The following CBFA2T3 variants were observed in gnomAD, a reference collection of about 807,000 sequenced individuals.
CBFA2T3 encodes the protein transcriptional corepressor CBFA2T3.
Under a neutral mutation model 58.6 loss-of-function variants are expected in CBFA2T3, and 31 were observed. The ratio of observed to expected loss-of-function variants is 0.53; its 90% CI spans 0.40 to 0.71. CBFA2T3 has a LOEUF of 0.71. Among genes scored for constraint, CBFA2T3 ranks in the 30% least tolerant of loss-of-function variants. The pLI, the probability that CBFA2T3 is intolerant of heterozygous loss-of-function variation, is 0.00. For missense variants in CBFA2T3, 1,076 were observed against 963.1 expected (o/e 1.12, Z -1.55); for synonymous variants, 531 against 421.9 (o/e 1.26, Z -3.17).
chr16:88,965,091 C>A (rs974804114), intron 1 of CBFA2T3, among the ~76,000 whole-genome samples: 9 of 121,788 alleles, frequency 7.4e-5, no homozygotes, highest in African/African-American at 3.5e-4. Flanking sequence ...ACCCATCTAT[C>A]CATCCATCCA....
intron 1 of CBFA2T3, among the ~76,000 whole-genome samples, chr16:88,910,975 C>T (rs569860935): frequency 3.9e-5 from 6 of 152,004 alleles, no homozygotes; most frequent in Non-Finnish European, 8.8e-5. Context: ...GCCCTGCGGC[C>T]GCCTCCACAT....
chr16:88,895,160 C>A (rs1399247527), intron 3 of CBFA2T3, among the ~76,000 whole-genome samples: 1 of 152,222 alleles, frequency 6.6e-6, no homozygotes, highest in Non-Finnish European at 1.5e-5. Flanking sequence ...TCTACCCGCT[C>A]CTGCAGGCCT....
intron 5 of CBFA2T3, 82 bp downstream of exon 5, chr16:88,891,800 C>T: frequency 1.0e-6 from 1 of 973,916 alleles, no homozygotes; most frequent in Non-Finnish European, 1.6e-6. Context: ...CGCCTGTCCA[C>T]CGCTGTCCAC....
At position 88,976,905 on chromosome 16, in the gene CBFA2T3, G is replaced by A; in HGVS notation, c.-98C>T. On this transcript the variant is annotated 5_prime_UTR_variant, in exon 1 of 12. Coordinates refer to ENST00000268679, the MANE Select transcript of CBFA2T3 (RefSeq NM_005187.6). ...CTGCAGCCTTGAGGGAAAGAGGAGGGGCTGGGCCAGCTGGGGCGTCCTGGA... is the reference window on the plus strand; with the variant it reads ...CTGCAGCCTTGAGGGAAAGAGGAGGAGCTGGGCCAGCTGGGGCGTCCTGGA... 2 of 1,421,472 alleles carry A rather than the reference G, an allele frequency of 1.4e-6. No homozygotes were observed. Among genetic ancestry groups the A allele is most frequent in the Middle Eastern group, 2.0e-4 (1 of 4,954 alleles). The allele number at this position is 1,421,472 out of a possible 1,614,324, so 88.1% of individuals were successfully genotyped here. A position where few individuals can be genotyped will look rare whatever the true frequency, so the allele number is the denominator to read the frequency against.
At position 88,891,855 on chromosome 16, in the gene CBFA2T3, C is replaced by G. The variant is rs377537767; in HGVS notation, c.711+27G>C. ...AAGGGGCCTTCTAGGGAGGCTCCCGCAGCACGGGGGACGGGTTTCGCATTA... is the reference window on the plus strand; with the variant it reads ...AAGGGGCCTTCTAGGGAGGCTCCCGGAGCACGGGGGACGGGTTTCGCATTA... On this transcript the variant is annotated intron_variant, in intron 5 of 11. Coordinates refer to ENST00000268679, the MANE Select transcript of CBFA2T3 (RefSeq NM_005187.6). 3.0e-5 allele frequency: 47 copies of G among 1,550,610 alleles called. No homozygotes were observed. In the Middle Eastern group the frequency reaches 1.1e-3, roughly 37 times the overall value.
At chr16:88,947,974 AG>A (rs1187517785) in intron 1 of CBFA2T3, among the ~76,000 whole-genome samples, 1 of 152,176 alleles carries the variant, frequency 6.6e-6, no homozygotes, top group East Asian at 1.9e-4. Flanking sequence ...AAAAGGAGGG[AG>A]GGGCACTTTT....
chr16:88,962,226 C>G (rs757670642), intron 1 of CBFA2T3, among the ~76,000 whole-genome samples: 2 of 152,184 alleles, frequency 1.3e-5, no homozygotes, highest in African/African-American at 4.8e-5. Flanking sequence ...CATTCCCACT[C>G]CATAGTAACT....
Position 88,876,638 on chromosome 16 carries a change from A to C in CBFA2T3, c.*338T>G. ...GAGGGGGAGAGACAGACAGAGAGGA[A>C]AAGAGAGGTGGGCAGAGCCGCCGCG... On this transcript the variant is annotated 3_prime_UTR_variant, in exon 12 of 12. Coordinates refer to ENST00000268679, the MANE Select transcript of CBFA2T3 (RefSeq NM_005187.6). 1 of 309,162 alleles carries C rather than the reference A, an allele frequency of 3.2e-6. No homozygotes were observed. Among genetic ancestry groups the C allele is most frequent in the Non-Finnish European group, 5.9e-6 (1 of 168,666 alleles). The allele number at this position is 309,162 out of a possible 1,614,324, so 19.2% of individuals were successfully genotyped here.
chr16:88,897,220 G>A (rs1241563962), intron 3 of CBFA2T3, among the ~76,000 whole-genome samples: 1 of 152,260 alleles, frequency 6.6e-6, no homozygotes. Context: ...GGAGCTGCAC[G>A]CCAGGCGCGA....
In CBFA2T3 at chr16:88,956,709, C is replaced by A. The variant is rs750119772; in HGVS notation, c.151+19948G>T. ...TTACTGGTGGACCCTGCTGGCGGAG[C>A]CCTGGGAGAAAGAGGCGCTCCAGGC... On this transcript the variant is annotated intron_variant, in intron 1 of 11. Coordinates refer to ENST00000268679, the MANE Select transcript of CBFA2T3 (RefSeq NM_005187.6). Among the ~76,000 whole-genome samples the A allele has an allele frequency of 5.9e-5, 9 of 152,340 alleles. No individual in the cohort carries two copies. The South Asian group carries it at 8.3e-4, about 14-fold the overall frequency.
chr16:88,964,762 C>T (rs559065118), intron 1 of CBFA2T3, among the ~76,000 whole-genome samples: 1 of 151,696 alleles, frequency 6.6e-6, no homozygotes, highest in African/African-American at 2.4e-5. Context: ...CATCCACCCA[C>T]TCATCCATCC....
intron 1 of CBFA2T3, among the ~76,000 whole-genome samples, chr16:88,970,197 C>T (rs546836345): frequency 6.1e-4 from 93 of 152,354 alleles, no homozygotes; most frequent in Non-Finnish European, 1.2e-3. Flanking sequence ...GCGGTGGCGG[C>T]GGCCCCAAGC....
chr16:88,895,010 C>T (rs900834210), intron 3 of CBFA2T3, among the ~76,000 whole-genome samples: 1 of 152,172 alleles, frequency 6.6e-6, no homozygotes, highest in Admixed American at 6.5e-5. Flanking sequence ...CCTGACCTGG[C>T]CCCTGGGAGG....
chr16:88,899,476 G>A (rs927070675), intron 2 of CBFA2T3, among the ~76,000 whole-genome samples: 4 of 152,212 alleles, frequency 2.6e-5, no homozygotes, highest in Non-Finnish European at 5.9e-5. Context: ...TAAACCAGCT[G>A]GGACCTCACC....
chr16:88,877,447 A>G (rs574890332), intron 11 of CBFA2T3, among the ~76,000 whole-genome samples, 172 bp from the exon 12 acceptor site: 1 of 152,216 alleles, frequency 6.6e-6, no homozygotes, highest in South Asian at 2.1e-4. Flanking sequence ...TCACTGGGCC[A>G]TTTTGCGGGA....
At chr16:88,920,823 T>A (rs532322805) in intron 1 of CBFA2T3, among the ~76,000 whole-genome samples, 2 of 152,290 alleles carry the variant, frequency 1.3e-5, no homozygotes, top group South Asian at 4.1e-4. Flanking sequence ...GTGGTCTTCC[T>A]CCAGCCAGGC....
At chr16:88,921,526 G>A (rs1206067523) in intron 1 of CBFA2T3, among the ~76,000 whole-genome samples, 1 of 141,742 alleles carries the variant, frequency 7.1e-6, no homozygotes, top group Non-Finnish European at 1.5e-5. Flanking sequence ...GTGGGGTCCA[G>A]CCCCTGCCCC....
At chr16:88,964,279 G>C (rs60481069) in intron 1 of CBFA2T3, among the ~76,000 whole-genome samples, 22,014 of 152,264 alleles carry the variant, frequency 0.14, 1,676 homozygotes, top group Middle Eastern at 0.26. Flanking sequence ...ACCTGGGGCA[G>C]GCCCCATGCC....
intron 1 of CBFA2T3, among the ~76,000 whole-genome samples, chr16:88,959,017 CG>C (rs1972299025): frequency 6.6e-6 from 1 of 152,084 alleles, no homozygotes; most frequent in African/African-American, 2.4e-5. Context: ...GCTGTGTGCC[CG>C]GGCTGTGCCG....
Sources: allele counts gnomAD v4.1 joint callset (sites outside exome capture counted in the v4.1 genomes callset), GRCh38; gene constraint gnomAD v4.1.1; transcripts MANE v1.5; gene names NCBI Gene and HGNC (gene_info 2026-07-23, HGNC 2026-07-21).